EBF4: variants seen among roughly 807,000 people sequenced by gnomAD.
The protein encoded by EBF4 is EBF transcription factor 4, also known as transcription factor COE4.
EBF4 carries 34 observed loss-of-function variants against 67.1 expected under a neutral mutation model. That is an observed-to-expected ratio of 0.51 (90% CI 0.39 to 0.67). EBF4 has a LOEUF of 0.67. EBF4 is among the 30% of genes least tolerant of loss of function. EBF4 has a pLI of 0.00. For missense variants in EBF4, 837 were observed against 873.3 expected, an observed-to-expected ratio of 0.96 and a Z score of 0.52; for synonymous variants, 387 against 377.7, an observed-to-expected ratio of 1.02 and a Z score of -0.29.
chr20:2,729,946 A>G (rs2087792051), intron 6 of EBF4, among the ~76,000 whole-genome samples: 2 of 152,132 alleles, frequency 1.3e-5, no homozygotes, highest in Non-Finnish European at 2.9e-5. Context: ...GAGCCACTGG[A>G]AGCTCTGGAA....
chr20:2,752,614 G>A, intron 14 of EBF4, 69 bp downstream of exon 14: 1 of 1,146,876 alleles, frequency 8.7e-7, no homozygotes, highest in Non-Finnish European at 1.1e-6. Context: ...CCCCGCCCCC[G>A]CCCATCCCGG....
intron 6 of EBF4, among the ~76,000 whole-genome samples, chr20:2,721,039 A>G (rs372951699): frequency 1.3e-5 from 2 of 152,168 alleles, no homozygotes; most frequent in African/African-American, 4.8e-5. Context: ...CTTGATTATG[A>G]TGTACATTGA....
intron 1 of EBF4, among the ~76,000 whole-genome samples, chr20:2,697,884 C>A (rs570742097): frequency 6.6e-6 from 1 of 152,362 alleles, no homozygotes; most frequent in East Asian, 1.9e-4. Flanking sequence ...GGCCAGACCT[C>A]CCCCTGGAGC....
intron 1 of EBF4, among the ~76,000 whole-genome samples, chr20:2,700,453 A>G (rs16988051): frequency 0.046 from 6,937 of 151,948 alleles, 429 homozygotes; most frequent in African/African-American, 0.14. Context: ...CCACACCCCA[A>G]TGTTTGTCTT....
At chr20:2,706,923 C>T (rs2087467063) in intron 4 of EBF4, among the ~76,000 whole-genome samples, 1 of 152,164 alleles carries the variant, frequency 6.6e-6, no homozygotes, top group Non-Finnish European at 1.5e-5. Flanking sequence ...GCTCAGAGGC[C>T]AGCACAAGGA....
chr20:2,702,816 C>T (rs934984024), intron 1 of EBF4, among the ~76,000 whole-genome samples: 6 of 152,194 alleles, frequency 3.9e-5, no homozygotes, highest in East Asian at 3.9e-4. Flanking sequence ...ATCCTGGTCA[C>T]TCCCCTGCAT....
At chr20:2,731,225 T>G (rs1361314156) in intron 6 of EBF4, among the ~76,000 whole-genome samples, 1 of 152,218 alleles carries the variant, frequency 6.6e-6, no homozygotes, top group Non-Finnish European at 1.5e-5. Flanking sequence ...ACACTGTAAG[T>G]TAGCATAATG....
At chr20:2,706,314 C>T (rs1445145180) in intron 4 of EBF4, 50 bp downstream of exon 4, 1 of 1,546,840 alleles carries the variant, frequency 6.5e-7, no homozygotes, top group Non-Finnish European at 8.7e-7. Context: ...CTTCCCGGAC[C>T]CTGCCTCCCC....
intron 6 of EBF4, among the ~76,000 whole-genome samples, chr20:2,731,091 G>A (rs1009206027): frequency 4.6e-5 from 7 of 152,136 alleles, no homozygotes; most frequent in Admixed American, 4.6e-4. Context: ...TAGAGACGGG[G>A]TTTCACCATG....
chr20:2,751,671 C>T lies in EBF4; in HGVS notation c.1019-29C>T. ...TGGGAGTGGGGGGCTGCGGGGGAGA[C>T]GTCCTCCAAACGCCGCCCCCTTCCC... On this transcript the variant is annotated intron_variant, in intron 10 of 16. Transcript: ENST00000609451. This position sits in a 1 kb window ranked among gnomAD's most constrained non-coding sequence, Gnocchi z 5.2. The T allele has an allele frequency of 6.5e-7, 1 of 1,547,370 alleles. No homozygotes were observed. Among genetic ancestry groups the T allele is most frequent in the Non-Finnish European group, 8.7e-7 (1 of 1,144,220 alleles).
rs1338160265 is a variant in EBF4 at position 2,714,992 on chromosome 20, ATAAAAATTATAAGGTATAAT to A, written c.557+5371_557+5390del. ...ACATGCAAAAGAAAAGTAAAACAAA[ATAAAAATTATAAGGTATAAT>A]TAAAAATTATAAGGTATAATAACCA... On this transcript the variant is annotated intron_variant, in intron 6 of 16. Coordinates refer to ENST00000609451, the Ensembl canonical transcript of EBF4. Among the ~76,000 whole-genome samples, 11 of 152,332 alleles carry A rather than the reference ATAAAAATTATAAGGTATAAT, an allele frequency of 7.2e-5. No individual in the cohort carries two copies. In the East Asian group the frequency reaches 2.1e-3, roughly 29 times the overall value.
chr20:2,708,461 C>T (rs368686715), intron 5 of EBF4, among the ~76,000 whole-genome samples: 8 of 152,308 alleles, frequency 5.3e-5, no homozygotes, highest in African/African-American at 1.9e-4. Context: ...CTCCCTTTTC[C>T]CCATTATCCC....
chr20:2,741,665 G>T (rs898136781), intron 6 of EBF4, among the ~76,000 whole-genome samples: 1 of 152,084 alleles, frequency 6.6e-6, no homozygotes, highest in African/African-American at 2.4e-5. Flanking sequence ...TGGTAAGGTG[G>T]GTGTGTGGGT....
intron 6 of EBF4, among the ~76,000 whole-genome samples, chr20:2,712,812 C>A (rs913763979): frequency 3.3e-5 from 5 of 152,100 alleles, no homozygotes; most frequent in Non-Finnish European, 5.9e-5. Context: ...AGGGGAGTGT[C>A]GTGTCCTGAA....
Position 2,754,219 on chromosome 20 carries a change from G to C in EBF4, c.1541-1408G>C, listed in dbSNP as rs77058458. Among the ~76,000 whole-genome samples the C allele has an allele frequency of 5.9e-5, 9 of 152,312 alleles. No individual in the cohort carries two copies. The South Asian group carries it at 1.9e-3, about 32-fold the overall frequency. ...CCCTTCCACTCCCCACGTTCAGGGT[G>C]CTTTGTGGCCCGACTCCAAGGGGTG... is the stretch of plus-strand genomic sequence containing the variant. On this transcript the variant is annotated intron_variant, in intron 14 of 16. Coordinates refer to ENST00000609451, the Ensembl canonical transcript of EBF4.
chr20:2,703,915 C>G (rs1180251589), intron 1 of EBF4, among the ~76,000 whole-genome samples: 1 of 152,102 alleles, frequency 6.6e-6, no homozygotes, highest in African/African-American at 2.4e-5. Flanking sequence ...GATCTGCTTC[C>G]AAGGTCGCTC....
chr20:2,704,657 A>G (rs1433103032), intron 1 of EBF4, among the ~76,000 whole-genome samples: 2 of 152,222 alleles, frequency 1.3e-5, no homozygotes, highest in Non-Finnish European at 1.5e-5. Flanking sequence ...TCCCATAAAA[A>G]GAATTAATAT....
intron 6 of EBF4, among the ~76,000 whole-genome samples, chr20:2,719,593 C>A (rs1004637187): frequency 6.6e-6 from 1 of 151,948 alleles, no homozygotes; most frequent in African/African-American, 2.4e-5. Flanking sequence ...TTTGTAGAGA[C>A]GAGGTCTCAC....
chr20:2,706,185 G>A (rs2087455419), intron 3 of EBF4, 24 bp from the exon 4 acceptor site: 1 of 1,552,058 alleles, frequency 6.4e-7, no homozygotes. Flanking sequence ...CCAGCAGCAA[G>A]CCCTCTCCAT....
Sources: gnomAD v4.1 joint callset for allele counts (sites outside exome capture counted in the v4.1 genomes callset) on GRCh38, gnomAD v4.1.1 for gene constraint, Gnocchi (gnomAD v3.1) non-coding constraint, MANE v1.5 for transcripts, NCBI Gene and HGNC (gene_info 2026-07-23, HGNC 2026-07-21) for gene names.